Variants in NEURL3 observed in about 807,000 individuals in gnomAD.
The protein encoded by NEURL3 is neuralized E3 ubiquitin protein ligase 3.
A neutral mutation model predicts 17.6 loss-of-function variants in NEURL3; 19 were observed. The observed-to-expected ratio is 1.08, with a 90% CI of 0.75 to 1.58. The LOEUF (loss-of-function observed/expected upper bound fraction) is 1.58, where lower values mean the gene tolerates loss of function less well. NEURL3 is among the 40% of genes most tolerant of loss of function. NEURL3 has a pLI of 0.00. For missense variants in NEURL3, 342 were observed against 379.6 expected, an observed-to-expected ratio of 0.90 and a Z score of 0.82; for synonymous variants, 180 against 161.4, an observed-to-expected ratio of 1.11 and a Z score of -0.87.
rs1423964933 is a variant in NEURL3, at chr2:96,499,226, GT to G, written c.586+151del. ...ATGCTCTCGAAGGCAGAGATGCCAG[GT>G]TGCTTTTAGGTTTCCAGTAGGCAGA... is the stretch of plus-strand genomic sequence containing the variant. On this transcript the variant is annotated intron_variant, in intron 3 of 3. Coordinates refer to ENST00000451794, the MANE Select transcript of NEURL3 (RefSeq NM_001285485.2). 7 of 1,406,132 alleles carry G rather than the reference GT, an allele frequency of 5.0e-6. No individual in the cohort carries two copies. The African/African-American group carries it at 1.0e-4, about 20-fold the overall frequency. 87.1% of individuals were successfully genotyped at this position (1,406,132 alleles called of 1,614,324 possible). A position where few individuals can be genotyped will look rare whatever the true frequency, so the allele number is the denominator to read the frequency against.
intron 2 of NEURL3, chr2:96,500,159 C>T (rs899033755): frequency 4.2e-6 from 2 of 473,838 alleles, no homozygotes; most frequent in Non-Finnish European, 7.6e-6. Context: ...ATGTTTCTTC[C>T]TTTGTAAAAG....
At chr2:96,504,005 G>A (rs904677161) in intron 1 of NEURL3, among the ~76,000 whole-genome samples, 2 of 152,226 alleles carry the variant, frequency 1.3e-5, no homozygotes, top group Non-Finnish European at 2.9e-5. Context: ...ATGGGCGATC[G>A]CTCCAATTAC....
In NEURL3 at chr2:96,499,466, A is replaced by T; in HGVS notation, c.515-17T>A. On this transcript the variant is annotated splice_polypyrimidine_tract_variant and intron_variant, in intron 2 of 3. Coordinates refer to ENST00000451794, the MANE Select transcript of NEURL3 (RefSeq NM_001285485.2). ...CTGTGGGATCTGAGGCAGAGAGAGA[A>T]ACTCAGGTCCAGGACGGCAAGCCCA... 2 of 1,599,070 alleles carry T rather than the reference A, an allele frequency of 1.3e-6. No individual in the cohort carries two copies. Among genetic ancestry groups the T allele is most frequent in the South Asian group, 2.2e-5 (2 of 91,066 alleles).
intron 1 of NEURL3, among the ~76,000 whole-genome samples, chr2:96,504,114 T>G (rs577330771): frequency 6.6e-6 from 1 of 152,154 alleles, no homozygotes; most frequent in South Asian, 2.1e-4. Flanking sequence ...TAGAGTCAGA[T>G]TCCAGATTCT....
Position 96,500,686 on chromosome 2 carries a change from G to T in NEURL3, c.267C>A (p.Ser89=), listed in dbSNP as rs982396956. The T allele has an allele frequency of 3.3e-6, 5 of 1,518,074 alleles. No individual in the cohort carries two copies. Among genetic ancestry groups the T allele is most frequent in the Non-Finnish European group, 4.4e-6 (5 of 1,140,178 alleles). 94.0% of individuals were successfully genotyped at this position (1,518,074 alleles called of 1,614,324 possible). A position where few individuals can be genotyped will look rare whatever the true frequency, so the allele number is the denominator to read the frequency against. The change falls in exon 2 of 4, where the codon TCC becomes TCA. Residue 89 remains serine, a synonymous_variant. Coordinates refer to ENST00000451794, the MANE Select transcript of NEURL3 (RefSeq NM_001285485.2). Reference sequence around the variant, plus strand: ...ACAGGAAGGGCGGCAGGCTGGGCACGGACACGCACGCGGGGTCCAGGCGCG... The same window carrying T: ...ACAGGAAGGGCGGCAGGCTGGGCACTGACACGCACGCGGGGTCCAGGCGCG... ...GFTRLDPACV[S]VPSLPPFLCP...
Position 96,500,787 on chromosome 2 carries a change from G to A in NEURL3, c.166C>T (p.Arg56Cys). The change falls in exon 2 of 4, where the codon CGC becomes TGC. Residue 56 changes from arginine (R) to cysteine (C), a missense_variant. Physicochemically the swap from Arg to Cys is radical, Grantham distance 180. Transcript: ENST00000451794. The part of the protein sequence containing the change: ...DGIVFSQRPV[R>C]LGERVALRVL... ...CGCAGCGCCACACGCTCGCCCAGGCGCACCGGCCGCTGGCTGAACACGATG... is the reference window on the plus strand; with the variant it reads ...CGCAGCGCCACACGCTCGCCCAGGCACACCGGCCGCTGGCTGAACACGATG... 3 of 1,526,058 alleles carry A rather than the reference G, an allele frequency of 2.0e-6. No homozygotes were observed. Among genetic ancestry groups the A allele is most frequent in the South Asian group, 1.2e-5 (1 of 83,458 alleles). 94.5% of individuals were successfully genotyped at this position (1,526,058 alleles called of 1,614,324 possible). A position where few individuals can be genotyped will look rare whatever the true frequency, so the allele number is the denominator to read the frequency against.
chr2:96,499,528 A>G, intron 2 of NEURL3, 79 bp from the exon 3 acceptor site: 1 of 1,306,366 alleles, frequency 7.7e-7, no homozygotes, highest in African/African-American at 1.4e-5. Flanking sequence ...CCCGCAGCAA[A>G]GTGTCCGGTC....
rs1405438482 is a variant in NEURL3, at chr2:96,500,796, G to T, written c.157C>A (p.Arg53=). ...ACACGCTCGCCCAGGCGCACCGGCCGCTGGCTGAACACGATGCCGTCGTGG... is the reference window on the plus strand; with the variant it reads ...ACACGCTCGCCCAGGCGCACCGGCCTCTGGCTGAACACGATGCCGTCGTGG... ...TFHDGIVFSQ[R]PVRLGERVAL... The change falls in exon 2 of 4, where the codon CGG becomes AGG. Residue 53 remains arginine (R), a synonymous_variant. Transcript: ENST00000451794. 1 of 1,526,356 alleles carries T rather than the reference G, an allele frequency of 6.6e-7. No individual in the cohort carries two copies. Among genetic ancestry groups the T allele is most frequent in the Non-Finnish European group, 8.8e-7 (1 of 1,142,194 alleles). 94.6% of individuals were successfully genotyped at this position (1,526,356 alleles called of 1,614,324 possible).
intron 3 of NEURL3, chr2:96,499,127 A>G (rs1038900089): frequency 1.1e-5 from 13 of 1,231,304 alleles, no homozygotes; most frequent in Admixed American, 3.4e-5. Context: ...ATGAATGTGG[A>G]TGATTTTTTA....
chr2:96,498,442 T>C lies in NEURL3; in HGVS notation c.591A>G (p.Thr197=). ...SNKAVPEPKA[T]PGEECAICFY... ...AGCAGATGGCACACTCCTCTCCTGG[T>C]GTGGCTGGAAGAGGGAGCAACACAG... The change falls in exon 4 of 4, where the codon ACA becomes ACG. Residue 197 remains threonine, a synonymous_variant. Transcript: ENST00000451794. This position sits in a 1 kb window ranked among gnomAD's most constrained non-coding sequence, Gnocchi z 4.4. 6.3e-7 allele frequency: 1 copy of C among 1,595,144 alleles called. No homozygotes were observed. The highest frequency in any genetic ancestry group is 8.5e-7 in the Non-Finnish European group (1 of 1,176,342).
In NEURL3 at chr2:96,498,216, G is replaced by C. The variant is rs1455317842; in HGVS notation, c.*28C>G. The C allele has an allele frequency of 1.3e-6, 2 of 1,514,074 alleles. No individual in the cohort carries two copies. Among genetic ancestry groups the C allele is most frequent in the Non-Finnish European group, 1.8e-6 (2 of 1,132,642 alleles). 93.8% of individuals were successfully genotyped at this position (1,514,074 alleles called of 1,614,324 possible). On this transcript the variant is annotated 3_prime_UTR_variant, in exon 4 of 4. Coordinates refer to ENST00000451794, the MANE Select transcript of NEURL3 (RefSeq NM_001285485.2). The surrounding 1 kb of genome is among the most constrained non-coding windows in gnomAD (Gnocchi z 4.4). ...GGGCCAGACTCAGATCTAGGCCCGGGCTGCCACTCATACTGGGAAGCCTCC... is the reference window on the plus strand; with the variant it reads ...GGGCCAGACTCAGATCTAGGCCCGGCCTGCCACTCATACTGGGAAGCCTCC...
intron 2 of NEURL3, chr2:96,500,177 A>G (rs1343296736): frequency 1.9e-6 from 1 of 523,400 alleles, no homozygotes; most frequent in Admixed American, 3.5e-5. Flanking sequence ...AAGGAGATGG[A>G]CACTCTAACA....
intron 2 of NEURL3, chr2:96,500,011 T>TC (rs1012715318): frequency 5.1e-5 from 10 of 197,236 alleles, no homozygotes; most frequent in Non-Finnish European, 7.1e-5. Flanking sequence ...GGCTCTCTTT[T>TC]CCCCCCCACT....
In NEURL3 at chr2:96,505,345, C is replaced by T; in HGVS notation, c.-59G>A. 33 of 1,571,454 alleles carry T rather than the reference C, an allele frequency of 2.1e-5. 1 individual carries two copies. The South Asian group carries it at 3.7e-4, about 17-fold the overall frequency. On this transcript the variant is annotated 5_prime_UTR_variant, in exon 1 of 4. Transcript: ENST00000451794. The stretch of plus-strand genomic sequence containing the variant: ...CTAGAAGGAACTGCCTGGAGAAGGC[C>T]AGTGGACAGGTTACCAAAGATTCAG...
At position 96,500,463 on chromosome 2, in the gene NEURL3, T is replaced by TC; in HGVS notation, c.489dup (p.Thr164AspfsTer3). 2 of 1,597,272 alleles carry TC rather than the reference T, an allele frequency of 1.3e-6. No individual in the cohort carries two copies. Among genetic ancestry groups the TC allele is most frequent in the Non-Finnish European group, 1.7e-6 (2 of 1,179,214 alleles). On this transcript the variant is annotated frameshift_variant, in exon 2 of 4. Transcript: ENST00000451794. LOFTEE classifies it high-confidence loss of function. ...CCCAGCAGCTCGATGGCCTTAGTGG[T>TC]CCCATACACGTCCATCACGGCCCAG... is the stretch of plus-strand genomic sequence containing the variant.
At chr2:96,505,422 T>C, upstream of NEURL3, 1 of 797,358 alleles carries the variant, frequency 1.3e-6, no homozygotes, top group Non-Finnish European at 2.1e-6. Context: ...GATGATTAAT[T>C]CAATGGTGCT....
In NEURL3 at chr2:96,500,562, C is replaced by T. The variant is rs775856127; in HGVS notation, c.391G>A (p.Gly131Ser). Residue 131 changes from glycine to serine, a missense_variant, in exon 2 of 4, where the codon GGC becomes AGC. Coordinates refer to ENST00000451794, the MANE Select transcript of NEURL3 (RefSeq NM_001285485.2). ...DLVRFWVDRR[G>S]CLFAKVNAGC... The stretch of plus-strand genomic sequence containing the variant: ...GCGTTGACCTTGGCGAAGAGGCAGC[C>T]GCGGCGGTCCACCCAGAAGCGGACC... 2.8e-5 allele frequency: 44 copies of T among 1,551,508 alleles called. No homozygotes were observed. The South Asian group carries it at 4.6e-4, about 16-fold the overall frequency.
intron 1 of NEURL3, chr2:96,504,604 G>T (rs532014859): frequency 3.3e-5 from 5 of 152,182 alleles, no homozygotes; most frequent in African/African-American, 1.2e-4. Flanking sequence ...GGCCGGGTGC[G>T]GTGGCTCACG....
intron 1 of NEURL3, among the ~76,000 whole-genome samples, chr2:96,501,255 G>A (rs1469862662): frequency 6.6e-6 from 1 of 152,102 alleles, no homozygotes; most frequent in Non-Finnish European, 1.5e-5. Flanking sequence ...AGTTCTTGCT[G>A]TGTTGCCCAG....
Sources: allele counts gnomAD v4.1 joint callset (sites outside exome capture counted in the v4.1 genomes callset), GRCh38; gene constraint gnomAD v4.1.1; non-coding constraint Gnocchi (gnomAD v3.1); transcripts MANE v1.5; gene names NCBI Gene and HGNC (gene_info 2026-07-23, HGNC 2026-07-21).